ZNF385D: variants seen among roughly 807,000 people sequenced by gnomAD.
The protein encoded by ZNF385D is zinc finger protein 659.
Under a neutral mutation model 35.8 loss-of-function variants are expected in ZNF385D, and 15 were observed. The observed-to-expected ratio is 0.42, with a 90% CI of 0.28 to 0.64. ZNF385D has a LOEUF of 0.64. ZNF385D is among the 30% of genes least tolerant of loss of function. ZNF385D has a pLI of 0.23. For synonymous variants in ZNF385D, 212 were observed against 186.8 expected, an observed-to-expected ratio of 1.13 and a Z score of -1.10; for missense variants, 474 against 494.6, an observed-to-expected ratio of 0.96 and a Z score of 0.39.
At chr3:21,479,379 C>T (rs1227416445) in intron 4 of ZNF385D, among the ~76,000 whole-genome samples, 2 of 152,000 alleles carry the variant, frequency 1.3e-5, no homozygotes, top group African/African-American at 4.8e-5. Flanking sequence ...CTCTTATTTA[C>T]AGAGCATCTA....
chr3:22,322,822 A>G (rs1694503504), intron 2 of ZNF385D, among the ~76,000 whole-genome samples: 1 of 152,228 alleles, frequency 6.6e-6, no homozygotes, highest in Non-Finnish European at 1.5e-5. Flanking sequence ...AAGCTCAGAA[A>G]TCATGTTTTA....
At chr3:22,356,225 C>T (rs1178513160) in intron 2 of ZNF385D, among the ~76,000 whole-genome samples, 1 of 151,914 alleles carries the variant, frequency 6.6e-6, no homozygotes, top group Non-Finnish European at 1.5e-5. Context: ...CTCATAGGTA[C>T]TCTGTTTTGC....
chr3:21,491,771 C>T (rs1705442293), intron 4 of ZNF385D, among the ~76,000 whole-genome samples: 1 of 152,074 alleles, frequency 6.6e-6, no homozygotes, highest in Non-Finnish European at 1.5e-5. Flanking sequence ...ACTACATGAT[C>T]CCTTGCAGAA....
chr3:21,475,098 G>A (rs539705758), intron 4 of ZNF385D, among the ~76,000 whole-genome samples: 14 of 152,092 alleles, frequency 9.2e-5, no homozygotes, highest in Non-Finnish European at 1.5e-4. Flanking sequence ...AGAAATTTAG[G>A]TTAGGGAAAT....
chr3:22,279,404 C>T (rs909557521), intron 2 of ZNF385D, among the ~76,000 whole-genome samples: 6 of 151,272 alleles, frequency 4.0e-5, no homozygotes, highest in East Asian at 3.9e-4. Flanking sequence ...TGATGGTTTC[C>T]GATTCCTTCC....
chr3:22,293,111 T>C (rs1702387635), intron 2 of ZNF385D, among the ~76,000 whole-genome samples: 1 of 152,130 alleles, frequency 6.6e-6, no homozygotes, highest in Non-Finnish European at 1.5e-5. Context: ...TCAAATGCTA[T>C]CTTTTCACTT....
chr3:21,835,874 C>T (rs1695297735), intron 3 of ZNF385D, among the ~76,000 whole-genome samples: 1 of 151,682 alleles, frequency 6.6e-6, no homozygotes, highest in African/African-American at 2.4e-5. Flanking sequence ...CATAATCCCT[C>T]ATTTGTTGTA....
rs185596153 is a variant in ZNF385D at position 22,162,269 on chromosome 3, A to G, written c.325+6548T>C. 6.6e-5 allele frequency among the ~76,000 whole-genome samples: 10 copies of G among 152,302 alleles called. No individual in the cohort carries two copies. In the East Asian group the frequency reaches 1.9e-3, roughly 29 times the overall value. On this transcript the variant is annotated intron_variant, in intron 3 of 5. Coordinates refer to the ZNF385D transcript ENST00000494108. ...AAATATATTTCTTTGGCATATTTTA[A>G]GATGCTATTCAGAGGGGCTACAGAC...
At chr3:22,339,336 C>T (rs1695319351) in intron 2 of ZNF385D, among the ~76,000 whole-genome samples, 1 of 152,138 alleles carries the variant, frequency 6.6e-6, no homozygotes. Context: ...ATATCATTTT[C>T]TCACCTTCTT....
chr3:21,862,211 A>G (rs1697090671), intron 3 of ZNF385D, among the ~76,000 whole-genome samples: 1 of 152,002 alleles, frequency 6.6e-6, no homozygotes, highest in Non-Finnish European at 1.5e-5. Context: ...ATAGTTCCAC[A>G]TTTAAGTGAT....
chr3:21,944,264 A>T (rs1457392294), intron 3 of ZNF385D, among the ~76,000 whole-genome samples: 1 of 152,302 alleles, frequency 6.6e-6, no homozygotes. Context: ...TACAGAAATG[A>T]ATAGAAGGTC....
intron 3 of ZNF385D, among the ~76,000 whole-genome samples, chr3:21,807,647 A>C (rs953923104): frequency 6.6e-6 from 1 of 152,174 alleles, no homozygotes; most frequent in Non-Finnish European, 1.5e-5. Flanking sequence ...TAAATAACTT[A>C]GTTTAGTAAT....
chr3:21,541,650 G>C (rs1236200318), intron 3 of ZNF385D, among the ~76,000 whole-genome samples: 3 of 152,038 alleles, frequency 2.0e-5, no homozygotes, highest in Non-Finnish European at 4.4e-5. Context: ...TAGTTTTCAG[G>C]ACTAGGATGA....
In ZNF385D at chr3:21,939,076, A is replaced by G. The variant is rs1246966277; in HGVS notation, c.325+229741T>C. Among the ~76,000 whole-genome samples the G allele has an allele frequency of 2.6e-5, 4 of 152,288 alleles. No individual in the cohort carries two copies. The East Asian group carries it at 7.7e-4, about 29-fold the overall frequency. On this transcript the variant is annotated intron_variant, in intron 3 of 5. Transcript: ENST00000494108. ...ACTAAACTAATTTTCCATGCTGGCA[A>G]CTAAATGGGAGTTAAAAATGTCGGT...
At chr3:22,063,983 T>C (rs543438984) in intron 3 of ZNF385D, among the ~76,000 whole-genome samples, 6 of 152,306 alleles carry the variant, frequency 3.9e-5, no homozygotes, top group Non-Finnish European at 7.3e-5. Context: ...CCCAATACAG[T>C]TGCTGTAAGC....
intron 3 of ZNF385D, among the ~76,000 whole-genome samples, chr3:21,964,557 T>G (rs931716546): frequency 3.0e-5 from 4 of 131,990 alleles, no homozygotes; most frequent in Admixed American, 1.7e-4. Context: ...TGACACAATC[T>G]TGGCTCACTG....
chr3:21,875,149 T>C (rs1176707725), intron 3 of ZNF385D, among the ~76,000 whole-genome samples: 3 of 152,090 alleles, frequency 2.0e-5, no homozygotes, highest in Non-Finnish European at 4.4e-5. Context: ...TTTTCTTTGG[T>C]GTGAAGTACG....
At chr3:21,581,318 C>T (rs1181312536) in intron 2 of ZNF385D, among the ~76,000 whole-genome samples, 1 of 152,106 alleles carries the variant, frequency 6.6e-6, no homozygotes, top group Non-Finnish European at 1.5e-5. Flanking sequence ...CCTCCAAATG[C>T]AATTGTTTCC....
At chr3:21,776,076 ATCT>A (rs1184085978) in intron 3 of ZNF385D, among the ~76,000 whole-genome samples, 2 of 151,770 alleles carry the variant, frequency 1.3e-5, no homozygotes, top group African/African-American at 4.8e-5. Flanking sequence ...TACAATCAAA[ATCT>A]TCTGTCATTA....
Sources: gnomAD v4.1 joint callset for allele counts (sites outside exome capture counted in the v4.1 genomes callset) on GRCh38, gnomAD v4.1.1 for gene constraint, MANE v1.5 for transcripts, NCBI Gene and HGNC (gene_info 2026-07-23, HGNC 2026-07-21) for gene names.